Variants in TPST1 observed in about 807,000 individuals in gnomAD.
TPST1 encodes protein-tyrosine sulfotransferase 1.
TPST1 carries 20 observed loss-of-function variants against 34.8 expected under a neutral mutation model. That is an observed-to-expected ratio of 0.57 (90% CI 0.40 to 0.84). TPST1 has a LOEUF of 0.84. TPST1 is among the 40% of genes least tolerant of loss of function. The pLI, the probability that TPST1 is intolerant of heterozygous loss-of-function variation, is 0.00. For synonymous variants in TPST1, 152 were observed against 159.4 expected, an observed-to-expected ratio of 0.95 and a Z score of 0.35; for missense variants, 353 against 455.5, an observed-to-expected ratio of 0.78 and a Z score of 2.05.
At chr7:66,203,982 G>T (rs908320107), upstream of TPST1, among the ~76,000 whole-genome samples, 3 of 152,020 alleles carry the variant, frequency 2.0e-5, no homozygotes, top group Non-Finnish European at 2.9e-5. Flanking sequence ...TTCAAGATCA[G>T]CCTGGGCAAC....
chr7:66,282,443 A>G (rs991503506), intron 2 of TPST1, among the ~76,000 whole-genome samples: 11 of 152,250 alleles, frequency 7.2e-5, no homozygotes, highest in Non-Finnish European at 1.0e-4. Flanking sequence ...CTTTATTTAC[A>G]TAACAGGCAG....
intron 3 of TPST1, among the ~76,000 whole-genome samples, chr7:66,305,837 T>C (rs1417139233): frequency 6.6e-6 from 1 of 152,270 alleles, no homozygotes. Flanking sequence ...TTTGATAAAT[T>C]GTATTTTTTA....
At chr7:66,341,070 A>G (rs1792227786) in intron 3 of TPST1, among the ~76,000 whole-genome samples, 1 of 152,170 alleles carries the variant, frequency 6.6e-6, no homozygotes, top group Non-Finnish European at 1.5e-5. Context: ...CAAAATACCA[A>G]TGACATTTTT....
intron 1 of TPST1, among the ~76,000 whole-genome samples, chr7:66,239,328 T>C (rs938409347): frequency 6.6e-6 from 1 of 152,196 alleles, no homozygotes; most frequent in Non-Finnish European, 1.5e-5. Flanking sequence ...TCAGGTCAAT[T>C]ACATGCTCCT....
chr7:66,311,746 G>C (rs1369397096), intron 3 of TPST1, among the ~76,000 whole-genome samples: 1 of 152,146 alleles, frequency 6.6e-6, no homozygotes. Context: ...GATGGGAGAA[G>C]AATTTTTACT....
At chr7:66,318,163 T>C (rs1200010783) in intron 3 of TPST1, among the ~76,000 whole-genome samples, 1 of 151,920 alleles carries the variant, frequency 6.6e-6, no homozygotes, top group Admixed American at 6.6e-5. Context: ...TTCTCAAAAA[T>C]AAATAAATAA....
chr7:66,278,666 C>T (rs1245500978), intron 2 of TPST1, among the ~76,000 whole-genome samples: 1 of 151,956 alleles, frequency 6.6e-6, no homozygotes, highest in Non-Finnish European at 1.5e-5. Context: ...CGCCTGTAGT[C>T]CCAGCTACTG....
At chr7:66,235,517 G>T (rs1323991525) in intron 1 of TPST1, among the ~76,000 whole-genome samples, 2 of 152,140 alleles carry the variant, frequency 1.3e-5, no homozygotes, top group African/African-American at 4.8e-5. Context: ...CCAGTTCTTA[G>T]TTGGTGTATT....
chr7:66,311,932 A>G (rs1178191956), intron 3 of TPST1, among the ~76,000 whole-genome samples: 2 of 152,218 alleles, frequency 1.3e-5, no homozygotes, highest in Non-Finnish European at 2.9e-5. Context: ...CTGTCATTCC[A>G]TAAGTGTATC....
intron 2 of TPST1, among the ~76,000 whole-genome samples, chr7:66,276,577 T>C (rs1308526111): frequency 6.6e-6 from 1 of 151,668 alleles, no homozygotes; most frequent in African/African-American, 2.4e-5. Context: ...TTGGAAAGCT[T>C]TTAAATCTTT....
intron 1 of TPST1, among the ~76,000 whole-genome samples, chr7:66,227,971 A>C (rs2116327342): frequency 6.6e-6 from 1 of 152,348 alleles, no homozygotes; most frequent in South Asian, 2.1e-4. Context: ...AATCAGCCAA[A>C]TAAATGCTGG....
intron 1 of TPST1, among the ~76,000 whole-genome samples, chr7:66,214,783 C>G (rs1441846493): frequency 6.7e-6 from 1 of 149,378 alleles, no homozygotes; most frequent in East Asian, 2.0e-4. Flanking sequence ...CCAGCCTGGG[C>G]GACAGTGTGA....
chr7:66,346,582 C>T (rs779556881), intron 3 of TPST1, among the ~76,000 whole-genome samples: 4 of 152,224 alleles, frequency 2.6e-5, no homozygotes, highest in South Asian at 2.1e-4. Context: ...ATGGTCATGA[C>T]GTAATATTGA....
At chr7:66,338,779 A>G (rs1792172451) in intron 3 of TPST1, among the ~76,000 whole-genome samples, 1 of 152,132 alleles carries the variant, frequency 6.6e-6, no homozygotes, top group South Asian at 2.1e-4. Flanking sequence ...ACAAAATACC[A>G]AAACCTATGG....
intron 1 of TPST1, among the ~76,000 whole-genome samples, chr7:66,234,418 C>CACACACACACACACAG (rs1203484108): frequency 6.6e-6 from 1 of 151,020 alleles, no homozygotes; most frequent in African/African-American, 2.4e-5. Flanking sequence ...CACACACACA[C>CACACACACACACACAG]ACACACACAC....
intron 2 of TPST1, among the ~76,000 whole-genome samples, chr7:66,272,007 T>C (rs1790714313): frequency 6.6e-6 from 1 of 152,224 alleles, no homozygotes; most frequent in Non-Finnish European, 1.5e-5. Flanking sequence ...AACAATATTC[T>C]CTGAGTTTGT....
intron 3 of TPST1, among the ~76,000 whole-genome samples, chr7:66,314,672 A>G (rs745775184): frequency 2.0e-5 from 3 of 152,206 alleles, no homozygotes; most frequent in Non-Finnish European, 4.4e-5. Context: ...GTACTTACAT[A>G]AATTTAGATG....
At chr7:66,234,897 T>C (rs1446541822) in intron 1 of TPST1, among the ~76,000 whole-genome samples, 2 of 152,068 alleles carry the variant, frequency 1.3e-5, no homozygotes, top group East Asian at 1.9e-4. Context: ...ATGGTCTCGA[T>C]CTCCTGACCT....
intron 1 of TPST1, among the ~76,000 whole-genome samples, chr7:66,209,401 C>T (rs1043660821): frequency 6.6e-6 from 1 of 152,174 alleles, no homozygotes; most frequent in Non-Finnish European, 1.5e-5. Flanking sequence ...CTTGTGTGTC[C>T]TAACACATAA....
Sources: allele counts gnomAD v4.1 joint callset (sites outside exome capture counted in the v4.1 genomes callset), GRCh38; gene constraint gnomAD v4.1.1; transcripts MANE v1.5; gene names NCBI Gene and HGNC (gene_info 2026-07-23, HGNC 2026-07-21).